The following TBC1D1 variants were observed in gnomAD, a reference collection of about 807,000 sequenced individuals.
TBC1D1 encodes TBC1 (tre-2/USP6, BUB2, cdc16) domain family, member 1.
Under a neutral mutation model 125.6 loss-of-function variants are expected in TBC1D1, and 89 were observed. The observed-to-expected ratio is 0.71, with a 90% CI of 0.60 to 0.85. The LOEUF is 0.85. TBC1D1 is among the 40% of genes least tolerant of loss of function. The pLI is 0.00. For synonymous variants in TBC1D1, 565 were observed against 564.1 expected, an observed-to-expected ratio of 1.00 and a Z score of -0.02; for missense variants, 1,377 against 1,469.2, an observed-to-expected ratio of 0.94 and a Z score of 1.03.
intron 18 of TBC1D1, among the ~76,000 whole-genome samples, chr4:38,132,155 C>G (rs1225627253): frequency 1.3e-5 from 2 of 150,730 alleles, no homozygotes; most frequent in Admixed American, 1.3e-4. Flanking sequence ...CCTGACTTCA[C>G]TTTCTGAATG....
chr4:37,891,168 G>A lies in TBC1D1; in HGVS notation c.-274G>A, dbSNP rs1284695463. The A allele has an allele frequency of 6.5e-6, 1 of 153,916 alleles. No individual in the cohort carries two copies. 9.5% of individuals were successfully genotyped at this position (153,916 alleles called of 1,614,324 possible). On this transcript the variant is annotated 5_prime_UTR_variant, in exon 1 of 20. Coordinates refer to ENST00000261439, the MANE Select transcript of TBC1D1 (RefSeq NM_015173.4). Reference sequence around the variant, plus strand: ...CGCCGCGGGACCTGCTGTGTCCTCAGCTGGGTGGAGAAGAGGCGGGCGCCG... The same window carrying A: ...CGCCGCGGGACCTGCTGTGTCCTCAACTGGGTGGAGAAGAGGCGGGCGCCG...
intron 12 of TBC1D1, among the ~76,000 whole-genome samples, chr4:38,072,054 G>C (rs1754794976): frequency 6.6e-6 from 1 of 152,192 alleles, no homozygotes; most frequent in South Asian, 2.1e-4. Context: ...CTTTGGGCCT[G>C]CTACCCACCC....
At chr4:38,069,489 A>G (rs946495462) in intron 12 of TBC1D1, among the ~76,000 whole-genome samples, 1 of 152,240 alleles carries the variant, frequency 6.6e-6, no homozygotes, top group Non-Finnish European at 1.5e-5. Flanking sequence ...AAACAGCAAG[A>G]TAAGGGTAAA....
chr4:38,020,562 C>T (rs374149269), intron 4 of TBC1D1, 29 bp from the exon 5 acceptor site: 481 of 1,586,458 alleles, frequency 3.0e-4, no homozygotes, highest in Non-Finnish European at 4.1e-4. Context: ...CTGGATACAA[C>T]TGAACATCTC....
At chr4:37,998,857 A>G (rs1738402032) in intron 2 of TBC1D1, among the ~76,000 whole-genome samples, 1 of 152,214 alleles carries the variant, frequency 6.6e-6, no homozygotes, top group African/African-American at 2.4e-5. Context: ...GGTTGAAGAG[A>G]AGGTGTCAGA....
intron 18 of TBC1D1, 38 bp from the exon 21 acceptor site, chr4:38,133,046 T>G (rs1765860359): frequency 1.3e-6 from 2 of 1,578,186 alleles, no homozygotes; most frequent in African/African-American, 2.7e-5. Context: ...GGGGTTTTTC[T>G]CAGTTTTAGT....
At chr4:38,098,586 T>G (rs1163235487) in intron 14 of TBC1D1, among the ~76,000 whole-genome samples, 1 of 152,214 alleles carries the variant, frequency 6.6e-6, no homozygotes, top group Non-Finnish European at 1.5e-5. Flanking sequence ...TGCCTGACTT[T>G]GCCACATCAC....
chr4:38,100,580 C>A (rs1760131191), intron 14 of TBC1D1, among the ~76,000 whole-genome samples: 1 of 152,160 alleles, frequency 6.6e-6, no homozygotes, highest in African/African-American at 2.4e-5. Context: ...AGGAAGTGAA[C>A]ACATCTCTTT....
intron 2 of TBC1D1, among the ~76,000 whole-genome samples, chr4:37,906,520 T>C (rs1717379366): frequency 6.6e-6 from 1 of 152,216 alleles, no homozygotes; most frequent in Non-Finnish European, 1.5e-5. Context: ...ATAAACTTTT[T>C]GTAAAGCATC....
At chr4:37,933,265 AC>A (rs1246591270) in intron 2 of TBC1D1, among the ~76,000 whole-genome samples, 1 of 151,964 alleles carries the variant, frequency 6.6e-6, no homozygotes, top group Non-Finnish European at 1.5e-5. Flanking sequence ...CTACATATAC[AC>A]CTACATACGC....
chr4:38,133,276 G>A lies in TBC1D1; in HGVS notation c.3306+19G>A, dbSNP rs774895295. The A allele has an allele frequency of 4.1e-5, 66 of 1,602,854 alleles. No homozygotes were observed. The highest frequency in any genetic ancestry group is 5.4e-5 in the Non-Finnish European group (64 of 1,175,598). ...GTTGCAGGTAGAGCATATTTATAAAGCAGCTTCCTGAATCACAAATATATG... is the reference window on the plus strand; with the variant it reads ...GTTGCAGGTAGAGCATATTTATAAAACAGCTTCCTGAATCACAAATATATG... On this transcript the variant is annotated intron_variant, in intron 19 of 19. Transcript: ENST00000261439.
At chr4:38,031,564 G>C (rs927094528) in intron 7 of TBC1D1, among the ~76,000 whole-genome samples, 27 of 152,166 alleles carry the variant, frequency 1.8e-4, no homozygotes, top group Admixed American at 1.4e-3. Context: ...GAGACCATGG[G>C]CTTTCTCAAC....
intron 2 of TBC1D1, among the ~76,000 whole-genome samples, chr4:38,010,763 T>C (rs1193123383): frequency 1.3e-5 from 2 of 152,206 alleles, no homozygotes; most frequent in African/African-American, 4.8e-5. Context: ...AGCCTTCCTC[T>C]CAGCCTTCAG....
At chr4:38,078,146 C>G (rs551553148) in intron 12 of TBC1D1, among the ~76,000 whole-genome samples, 18 of 152,276 alleles carry the variant, frequency 1.2e-4, no homozygotes, top group African/African-American at 4.3e-4. Context: ...AGCTCTGAGC[C>G]AGAGTACTTG....
chr4:38,117,272 C>T (rs944067870), intron 16 of TBC1D1, among the ~76,000 whole-genome samples: 5 of 152,072 alleles, frequency 3.3e-5, no homozygotes, highest in African/African-American at 1.2e-4. Context: ...CGGATTCTGA[C>T]CCTCTGTAGG....
chr4:38,041,648 A>C (rs575481508), intron 8 of TBC1D1, among the ~76,000 whole-genome samples: 8 of 152,254 alleles, frequency 5.3e-5, no homozygotes, highest in Non-Finnish European at 8.8e-5. Context: ...AAAATTTGTC[A>C]ACAGGAATAA....
chr4:38,032,234 G>A (rs986147593), intron 7 of TBC1D1, among the ~76,000 whole-genome samples: 5 of 152,172 alleles, frequency 3.3e-5, no homozygotes, highest in African/African-American at 4.8e-5. Flanking sequence ...CATGAGAATC[G>A]CTTGAACTTG....
intron 12 of TBC1D1, among the ~76,000 whole-genome samples, chr4:38,057,952 G>T (rs1752035596): frequency 6.6e-6 from 1 of 152,220 alleles, no homozygotes; most frequent in Admixed American, 6.5e-5. Context: ...TCTGGAGGTG[G>T]TCCTGCCTGT....
chr4:38,080,011 T>C (rs1756281641), intron 12 of TBC1D1, among the ~76,000 whole-genome samples: 1 of 152,234 alleles, frequency 6.6e-6, no homozygotes, highest in South Asian at 2.1e-4. Flanking sequence ...ACCCCAGAGT[T>C]TTTGATCCAG....
Sources: allele counts gnomAD v4.1 joint callset (sites outside exome capture counted in the v4.1 genomes callset), GRCh38; gene constraint gnomAD v4.1.1; transcripts MANE v1.5; gene names NCBI Gene and HGNC (gene_info 2026-07-23, HGNC 2026-07-21).